The following MYO1H variants were observed in gnomAD, a reference collection of about 807,000 sequenced individuals.
MYO1H encodes unconventional myosin-Ih.
MYO1H carries 118 observed loss-of-function variants against 149.3 expected under a neutral mutation model. The ratio of observed to expected loss-of-function variants is 0.79; its 90% confidence interval spans 0.68 to 0.92. The LOEUF is 0.92. MYO1H is among the 40% of genes least tolerant of loss of function. The pLI, the probability that MYO1H is intolerant of heterozygous loss-of-function variation, is 0.00. For synonymous variants in MYO1H, 447 were observed against 465.2 expected (o/e 0.96, Z 0.50); for missense variants, 1,212 against 1,280.7 (o/e 0.95, Z 0.82).
At chr12:109,318,359 A>G in the MYO1H span, among the ~76,000 whole-genome samples, 52 of 152,264 alleles carry the variant, frequency 3.4e-4, no homozygotes, top group African/African-American at 1.2e-3. Flanking sequence ...GGTAGAGGCT[A>G]ATTTTCCCTT....
At chr12:109,318,978 T>TTTG in the MYO1H span, among the ~76,000 whole-genome samples, 1 of 111,638 alleles carries the variant, frequency 9.0e-6, no homozygotes, top group African/African-American at 3.6e-5. Context: ...TTTTGTTTTT[T>TTTG]TTTTTTTTTT....
intron 6 of MYO1H, among the ~76,000 whole-genome samples, chr12:109,402,107 C>A (rs185787343): frequency 2.0e-5 from 3 of 152,310 alleles, no homozygotes; most frequent in African/African-American, 7.2e-5. Flanking sequence ...AATGAACACA[C>A]CACCTTACAG....
chr12:109,424,234 C>G (rs1011678890), intron 16 of MYO1H, among the ~76,000 whole-genome samples: 3 of 152,138 alleles, frequency 2.0e-5, no homozygotes, highest in Non-Finnish European at 4.4e-5. Context: ...AATCAGAGTT[C>G]ACTGCAGCCT....
intron 10 of MYO1H, among the ~76,000 whole-genome samples, chr12:109,409,248 T>TCTTCTTCTTCTTC (rs1566031797): frequency 3.7e-5 from 1 of 27,140 alleles, no homozygotes; most frequent in Admixed American, 5.5e-4. Context: ...TTCTTCTTCT[T>TCTTCTTCTTCTTC]TTTTTTTTTT....
intron 1 of MYO1H, among the ~76,000 whole-genome samples, chr12:109,383,749 C>G (rs1228016377): frequency 6.6e-6 from 1 of 152,178 alleles, no homozygotes; most frequent in African/African-American, 2.4e-5. Flanking sequence ...GTGGGGAAGT[C>G]CACGGAATAG....
At chr12:109,438,696 G>A (rs1871978399) in intron 23 of MYO1H, 76 bp downstream of exon 23, 1 of 1,102,732 alleles carries the variant, frequency 9.1e-7, no homozygotes, top group Admixed American at 2.6e-5. Context: ...GGAGGTAGAT[G>A]AGTTCTTTGT....
chr12:109,355,279 A>G (rs894439101), intron 1 of MYO1H, among the ~76,000 whole-genome samples: 21 of 152,016 alleles, frequency 1.4e-4, no homozygotes, highest in Admixed American at 1.2e-3. Context: ...CTTACGTGCA[A>G]TCTTCCTTAA....
chr12:109,402,099 T>C (rs1359379546), intron 6 of MYO1H, among the ~76,000 whole-genome samples: 1 of 152,214 alleles, frequency 6.6e-6, no homozygotes, highest in Admixed American at 6.5e-5. Flanking sequence ...TGCTGCCAAA[T>C]GAACACACCA....
the MYO1H span, among the ~76,000 whole-genome samples, chr12:109,314,406 G>A: frequency 6.6e-6 from 1 of 152,030 alleles, no homozygotes; most frequent in Non-Finnish European, 1.5e-5. Flanking sequence ...TTTATTGTTG[G>A]CTAGTGAATA....
intron 1 of MYO1H, among the ~76,000 whole-genome samples, chr12:109,384,941 C>T (rs1869271453): frequency 6.6e-6 from 1 of 152,208 alleles, no homozygotes; most frequent in Non-Finnish European, 1.5e-5. Context: ...GACTCCTAAT[C>T]AGCAGACTTG....
At chr12:109,353,393 CAAAAAAAAAA>C (rs55927192) in intron 1 of MYO1H, among the ~76,000 whole-genome samples, 3 of 79,296 alleles carry the variant, frequency 3.8e-5, no homozygotes, top group Non-Finnish European at 7.2e-5. Flanking sequence ...GACTCCGTCT[CAAAAAAAAAA>C]AAAAAAAAAA....
intron 6 of MYO1H, among the ~76,000 whole-genome samples, chr12:109,402,250 C>T (rs778258234): frequency 4.6e-5 from 7 of 152,176 alleles, no homozygotes; most frequent in African/African-American, 7.2e-5. Context: ...TTGTAAGGCA[C>T]GTCTCAGCAT....
chr12:109,434,499 A>C lies in MYO1H; in HGVS notation c.2064-538A>C, dbSNP rs112998116. Among the ~76,000 whole-genome samples the C allele has an allele frequency of 7.1e-4, 108 of 152,340 alleles. 1 individual carries two copies. The highest frequency in any genetic ancestry group is 2.5e-3 in the African/African-American group (102 of 41,588). On this transcript the variant is annotated intron_variant, in intron 20 of 31. Coordinates refer to ENST00000310903, the Ensembl canonical transcript of MYO1H. ...ACAAACTGAGACTCTGTTTCAAAACAAAAACAAAAAACAAACAAAAACACC... is the reference window on the plus strand; with the variant it reads ...ACAAACTGAGACTCTGTTTCAAAACCAAAACAAAAAACAAACAAAAACACC...
chr12:109,335,686 A>T, the MYO1H span, among the ~76,000 whole-genome samples: 1 of 152,172 alleles, frequency 6.6e-6, no homozygotes, highest in Non-Finnish European at 1.5e-5. Context: ...CATTTTTTAT[A>T]ATATTCAGTC....
intron 16 of MYO1H, among the ~76,000 whole-genome samples, chr12:109,423,396 A>G (rs1871250707): frequency 6.6e-6 from 1 of 152,198 alleles, no homozygotes; most frequent in African/African-American, 2.4e-5. Flanking sequence ...TCCTGGCCTC[A>G]GGTGATCCAC....
intron 1 of MYO1H, among the ~76,000 whole-genome samples, chr12:109,371,843 A>C (rs533134134): frequency 2.0e-5 from 3 of 152,336 alleles, no homozygotes; most frequent in African/African-American, 7.2e-5. Context: ...AAACTTAGCT[A>C]TCAGAGTGCC....
At chr12:109,439,540 T>C in intron 23 of MYO1H, 91 bp from the exon 24 acceptor site, 1 of 1,376,600 alleles carries the variant, frequency 7.3e-7, no homozygotes, top group Non-Finnish European at 9.9e-7. Flanking sequence ...CTCTACCACT[T>C]TGGCCGCCTC....
chr12:109,369,552 ATCTC>A (rs928688612), intron 1 of MYO1H, among the ~76,000 whole-genome samples: 1 of 152,032 alleles, frequency 6.6e-6, no homozygotes, highest in Non-Finnish European at 1.5e-5. Context: ...ATATTTAAAA[ATCTC>A]TCTCTCACAC....
intron 1 of MYO1H, among the ~76,000 whole-genome samples, chr12:109,372,801 C>G (rs1252214104): frequency 6.6e-6 from 1 of 151,904 alleles, no homozygotes; most frequent in Non-Finnish European, 1.5e-5. Context: ...TGCAATAAAT[C>G]TTGGCAGTAT....
Sources: allele counts gnomAD v4.1 joint callset (sites outside exome capture counted in the v4.1 genomes callset), GRCh38; gene constraint gnomAD v4.1.1; transcripts MANE v1.5; gene names NCBI Gene and HGNC (gene_info 2026-07-23, HGNC 2026-07-21).